SH3PXD2A: variants seen among roughly 807,000 people sequenced by gnomAD.
The protein encoded by SH3PXD2A is SH3 and PX domain-containing protein 2A.
A neutral mutation model predicts 115.2 loss-of-function variants in SH3PXD2A; 32 were observed. The ratio of observed to expected loss-of-function variants is 0.28; its 90% CI spans 0.21 to 0.37. SH3PXD2A has a LOEUF of 0.37. Among genes scored for constraint, SH3PXD2A ranks in the 10% least tolerant of loss-of-function variants. The probability of loss-of-function intolerance (pLI) is 1.00; values close to 1 mark genes in which losing one functional copy is unlikely to be tolerated. For missense variants in SH3PXD2A, 1,328 were observed against 1,498.7 expected, an observed-to-expected ratio of 0.89 and a Z score of 1.88; for synonymous variants, 610 against 629.1, an observed-to-expected ratio of 0.97 and a Z score of 0.45.
intron 3 of SH3PXD2A, among the ~76,000 whole-genome samples, chr10:103,740,860 G>C (rs1409343126): frequency 1.3e-5 from 2 of 152,142 alleles, no homozygotes; most frequent in Admixed American, 1.3e-4. Flanking sequence ...GCACTGTCTT[G>C]ATGGAGGCCT....
At chr10:103,841,707 C>A (rs2039600102) in intron 1 of SH3PXD2A, among the ~76,000 whole-genome samples, 1 of 152,110 alleles carries the variant, frequency 6.6e-6, no homozygotes, top group Non-Finnish European at 1.5e-5. Flanking sequence ...GCCTTGGCAC[C>A]TGTTGTTCCC....
In SH3PXD2A at chr10:103,665,165, T is replaced by C. The variant is rs1449678083; in HGVS notation, c.472+3443A>G. On this transcript the variant is annotated intron_variant, in intron 7 of 14. Coordinates refer to ENST00000369774, the MANE Select transcript of SH3PXD2A (RefSeq NM_001394015.1). This position sits in a 1 kb window ranked among gnomAD's most constrained non-coding sequence, Gnocchi z 4.0. ...ACTCTGATATGGGAATATGGGAAAA[T>C]GAGCCAAACTCGAAGGGAGAAAGGG... Among the ~76,000 whole-genome samples the C allele has an allele frequency of 6.6e-6, 1 of 152,056 alleles. No individual in the cohort carries two copies. The highest frequency in any genetic ancestry group is 1.5e-5 in the Non-Finnish European group (1 of 68,016).
chr10:103,632,914 C>T (rs753714919), intron 8 of SH3PXD2A, among the ~76,000 whole-genome samples: 9 of 151,974 alleles, frequency 5.9e-5, no homozygotes, highest in African/African-American at 9.7e-5. Flanking sequence ...GTAGAGGTTG[C>T]GGTGAGCTGA....
chr10:103,780,146 A>G (rs1025622511), intron 2 of SH3PXD2A, among the ~76,000 whole-genome samples: 3 of 152,132 alleles, frequency 2.0e-5, no homozygotes, highest in Admixed American at 1.3e-4. Context: ...GCCAAAACAG[A>G]CCCTCAGCGG....
At chr10:103,626,095 G>T (rs2036687929) in intron 9 of SH3PXD2A, among the ~76,000 whole-genome samples, 1 of 152,270 alleles carries the variant, frequency 6.6e-6, no homozygotes, top group African/African-American at 2.4e-5. Flanking sequence ...ATGGGGCCTT[G>T]TCCCTGGAAA....
chr10:103,766,981 T>A, intron 3 of SH3PXD2A, 113 bp downstream of exon 3: 2 of 750,450 alleles, frequency 2.7e-6, no homozygotes, highest in Non-Finnish European at 4.6e-6. Flanking sequence ...CATATGCAGA[T>A]TCCTGGGCAT....
At position 103,603,504 on chromosome 10, in the gene SH3PXD2A, T is replaced by A. The variant is rs140387928; in HGVS notation, c.1714A>T (p.Ser572Cys). The change falls in exon 15 of 15, where the codon AGC becomes TGC. Residue 572 changes from serine (S) to cysteine (C), a missense_variant. Physicochemically the swap from Ser to Cys is moderately radical, Grantham distance 112. Coordinates refer to ENST00000369774, the MANE Select transcript of SH3PXD2A (RefSeq NM_001394015.1). ...AFGFDSEPEL[S>C]EEPVEDRASG... ...GCTCTGTCCTCCACGGGCTCCTCGC[T>A]CAGCTCAGGCTCTGAGTCAAAGCCG... 209 of 1,611,876 alleles carry A rather than the reference T, an allele frequency of 1.3e-4. 1 individual carries two copies. The African/African-American group carries it at 2.4e-3, about 19-fold the overall frequency.
At chr10:103,660,443 G>A (rs1415890186) in intron 8 of SH3PXD2A, among the ~76,000 whole-genome samples, 1 of 152,150 alleles carries the variant, frequency 6.6e-6, no homozygotes, top group East Asian at 1.9e-4. Context: ...TTGCTTTCCA[G>A]GTCCTGGGGC....
At chr10:103,722,303 CA>C (rs34835878) in intron 5 of SH3PXD2A, among the ~76,000 whole-genome samples, 263 of 91,276 alleles carry the variant, frequency 2.9e-3, no homozygotes, top group South Asian at 9.6e-3. Context: ...GACTCTGTCT[CA>C]AAAAAAAAAA....
chr10:103,703,899 G>A (rs1449909495), intron 5 of SH3PXD2A, among the ~76,000 whole-genome samples: 1 of 152,188 alleles, frequency 6.6e-6, no homozygotes, highest in Non-Finnish European at 1.5e-5. Flanking sequence ...GTGTGTAGCT[G>A]CCTAGGTTCA....
rs180777473 is a variant in SH3PXD2A at position 103,653,165 on chromosome 10, G to A, written c.604+7818C>T. On this transcript the variant is annotated intron_variant, in intron 8 of 14. Coordinates refer to ENST00000369774, the MANE Select transcript of SH3PXD2A (RefSeq NM_001394015.1). ...TGGTTTACTTGTCACATGTCTCTTC[G>A]CAATATTTGAGCCCCATGAGGGCTT... Among the ~76,000 whole-genome samples, 467 of 152,174 alleles carry A rather than the reference G, an allele frequency of 3.1e-3. 5 individuals are homozygous for A. Among genetic ancestry groups the A allele is most frequent in the Admixed American group, 1.8e-3 (28 of 15,290 alleles).
chr10:103,713,033 C>T (rs938236298), intron 5 of SH3PXD2A, among the ~76,000 whole-genome samples: 5 of 152,192 alleles, frequency 3.3e-5, no homozygotes, highest in East Asian at 3.8e-4. Flanking sequence ...GGGTCCAGCA[C>T]GGCTTTAGTA....
chr10:103,682,283 G>A (rs569492515), intron 6 of SH3PXD2A, among the ~76,000 whole-genome samples: 1 of 152,378 alleles, frequency 6.6e-6, no homozygotes, highest in South Asian at 2.1e-4. Flanking sequence ...GAGCCAGGGA[G>A]CGTGGCGCAG....
At chr10:103,817,093 G>T (rs564594133) in intron 1 of SH3PXD2A, among the ~76,000 whole-genome samples, 1 of 144,436 alleles carries the variant, frequency 6.9e-6, no homozygotes, top group African/African-American at 2.6e-5. Context: ...CAGACAATCT[G>T]CCCACCTCCC....
At chr10:103,816,679 T>C (rs1170680790) in intron 1 of SH3PXD2A, among the ~76,000 whole-genome samples, 1 of 152,144 alleles carries the variant, frequency 6.6e-6, no homozygotes, top group African/African-American at 2.4e-5. Context: ...AATGAAAACT[T>C]ACATCCACAC....
chr10:103,805,424 G>A (rs1214129998), intron 1 of SH3PXD2A, among the ~76,000 whole-genome samples: 1 of 152,202 alleles, frequency 6.6e-6, no homozygotes, highest in Non-Finnish European at 1.5e-5. Flanking sequence ...ACAACCTTCA[G>A]GGCTGCCAGT....
intron 1 of SH3PXD2A, among the ~76,000 whole-genome samples, chr10:103,819,582 C>A (rs1446095131): frequency 6.6e-6 from 1 of 151,292 alleles, no homozygotes; most frequent in Non-Finnish European, 1.5e-5. Flanking sequence ...GGGAGGAGGG[C>A]AAGGGGGCGA....
chr10:103,698,831 C>T (rs1054248659), intron 5 of SH3PXD2A, among the ~76,000 whole-genome samples: 4 of 151,904 alleles, frequency 2.6e-5, no homozygotes, highest in Admixed American at 2.6e-4. Flanking sequence ...CTGGGGGCTA[C>T]AGAACATCCC....
intron 6 of SH3PXD2A, among the ~76,000 whole-genome samples, chr10:103,680,198 C>G (rs2037590583): frequency 6.6e-6 from 1 of 152,008 alleles, no homozygotes; most frequent in South Asian, 2.1e-4. Context: ...AGGCTGGTCT[C>G]AAACTCCTGA....
Sources: gnomAD v4.1 joint callset for allele counts (sites outside exome capture counted in the v4.1 genomes callset) on GRCh38, gnomAD v4.1.1 for gene constraint, Gnocchi (gnomAD v3.1) non-coding constraint, MANE v1.5 for transcripts, NCBI Gene and HGNC (gene_info 2026-07-23, HGNC 2026-07-21) for gene names.